The following GAS7 variants were observed in gnomAD, a reference collection of about 807,000 sequenced individuals.
The protein encoded by GAS7 is growth arrest specific 7, also known as growth arrest-specific protein 7.
Under a neutral mutation model 71.1 loss-of-function variants are expected in GAS7, and 28 were observed. That is an observed-to-expected ratio of 0.39 (90% confidence interval 0.29 to 0.54). GAS7 has a LOEUF of 0.54. GAS7 is among the 20% of genes least tolerant of loss of function. The pLI, the probability that GAS7 is intolerant of heterozygous loss-of-function variation, is 0.62. For missense variants in GAS7, 436 were observed against 627.8 expected (o/e 0.69, Z 3.27); for synonymous variants, 258 against 245.8 (o/e 1.05, Z -0.46).
In GAS7 at chr17:9,926,633, C is replaced by T. The variant is rs1332495026; in HGVS notation, c.1014+8G>A. ...ACCTGCCCTGGCCCAGCGTCCTGGG[C>T]CTCTCACCTTCTCCACCGAGGCATA... On this transcript the variant is annotated splice_region_variant and intron_variant, in intron 10 of 13. Transcript: ENST00000432992. This position sits in a 1 kb window ranked among gnomAD's most constrained non-coding sequence, Gnocchi z 5.0. 3.1e-6 allele frequency: 5 copies of T among 1,612,746 alleles called. No homozygotes were observed. Among genetic ancestry groups the T allele is most frequent in the Non-Finnish European group, 4.2e-6 (5 of 1,180,018 alleles).
At position 10,060,133 on chromosome 17, in the gene GAS7, G is replaced by A. The variant is rs1201284290; in HGVS notation, c.184-40236C>T. Among the ~76,000 whole-genome samples the A allele has an allele frequency of 4.6e-5, 7 of 152,278 alleles. No individual in the cohort carries two copies. In the East Asian group the frequency reaches 1.2e-3, roughly 25 times the overall value. Reference sequence around the variant, plus strand: ...CTGAGGGAGTGTGATAATCCAACCAGGTAGAGCAATTTGCAAAAACTCTAC... The same window carrying A: ...CTGAGGGAGTGTGATAATCCAACCAAGTAGAGCAATTTGCAAAAACTCTAC... On this transcript the variant is annotated intron_variant, in intron 1 of 13. Transcript: ENST00000432992.
intron 1 of GAS7, among the ~76,000 whole-genome samples, chr17:10,128,383 G>A (rs938298371): frequency 1.3e-5 from 2 of 152,172 alleles, no homozygotes; most frequent in Non-Finnish European, 2.9e-5. Flanking sequence ...GGGAGTGGAC[G>A]GGAGGGGTGG....
intron 1 of GAS7, among the ~76,000 whole-genome samples, chr17:10,150,651 C>G (rs188953146): frequency 7.1e-6 from 1 of 141,034 alleles, no homozygotes; most frequent in African/African-American, 2.7e-5. Flanking sequence ...TGCAGTGGCA[C>G]GATCTCGGCT....
chr17:10,190,168 G>A (rs959844383), intron 1 of GAS7, among the ~76,000 whole-genome samples: 2 of 152,166 alleles, frequency 1.3e-5, no homozygotes, highest in African/African-American at 2.4e-5. Flanking sequence ...TGCCTCTGGC[G>A]CACTACAGAT....
chr17:9,999,315 C>T (rs2071169629), intron 2 of GAS7, among the ~76,000 whole-genome samples: 2 of 151,984 alleles, frequency 1.3e-5, no homozygotes, highest in African/African-American at 4.8e-5. Context: ...GTCAGGAGTT[C>T]GACACCAGCC....
At chr17:9,939,059 G>T (rs1044434678) in intron 8 of GAS7, among the ~76,000 whole-genome samples, 2 of 152,158 alleles carry the variant, frequency 1.3e-5, no homozygotes, top group African/African-American at 4.8e-5. Flanking sequence ...AATGTGGGTT[G>T]TTTCCACCTT....
chr17:9,918,312 C>CA (rs1277416053), intron 12 of GAS7, among the ~76,000 whole-genome samples: 1 of 152,250 alleles, frequency 6.6e-6, no homozygotes, highest in African/African-American at 2.4e-5. Context: ...CCTGCTCCGC[C>CA]ACGCACAGTG....
At chr17:10,031,216 A>C (rs1456245421) in intron 1 of GAS7, among the ~76,000 whole-genome samples, 1 of 152,220 alleles carries the variant, frequency 6.6e-6, no homozygotes, top group Non-Finnish European at 1.5e-5. Flanking sequence ...GGGCCAGTCA[A>C]TTCATTGGGT....
chr17:10,082,612 T>C (rs2073469838), intron 1 of GAS7, among the ~76,000 whole-genome samples: 1 of 152,210 alleles, frequency 6.6e-6, no homozygotes, highest in African/African-American at 2.4e-5. Context: ...AAATGCATGC[T>C]TACCATATGA....
intron 1 of GAS7, among the ~76,000 whole-genome samples, chr17:10,151,798 G>A (rs577545053): frequency 1.4e-4 from 21 of 152,148 alleles, no homozygotes; most frequent in African/African-American, 4.1e-4. Context: ...CTCCTGCCTC[G>A]GCCTCCCAAA....
In GAS7 at chr17:10,063,481, G is replaced by A. The variant is rs540813863; in HGVS notation, c.184-43584C>T. The stretch of plus-strand genomic sequence containing the variant: ...TCCAAAGCAGAGAAGCAGCAGCTCC[G>A]GCAAAACCCTGACAAATCATCTAGT... On this transcript the variant is annotated intron_variant, in intron 1 of 13. Coordinates refer to ENST00000432992, the MANE Select transcript of GAS7 (RefSeq NM_201433.2). Among the ~76,000 whole-genome samples the A allele has an allele frequency of 7.9e-5, 12 of 152,302 alleles. No homozygotes were observed. The South Asian group carries it at 2.1e-3, about 26-fold the overall frequency.
intron 2 of GAS7, among the ~76,000 whole-genome samples, chr17:9,990,275 A>T (rs1365587363): frequency 6.6e-6 from 1 of 152,184 alleles, no homozygotes; most frequent in East Asian, 1.9e-4. Flanking sequence ...TCTCAAAAAA[A>T]AAAGAAAAAA....
At chr17:10,168,408 T>G (rs188759403) in intron 1 of GAS7, among the ~76,000 whole-genome samples, 1 of 152,326 alleles carries the variant, frequency 6.6e-6, no homozygotes, top group East Asian at 1.9e-4. Flanking sequence ...TTAGAATAAT[T>G]CTGGGTTTTT....
intron 1 of GAS7, among the ~76,000 whole-genome samples, chr17:10,066,559 C>G (rs1274776230): frequency 6.6e-6 from 1 of 152,156 alleles, no homozygotes; most frequent in Non-Finnish European, 1.5e-5. Flanking sequence ...TGGTCTTGAA[C>G]AGCTGGCCTC....
chr17:10,046,535 A>C (rs2072960166), intron 1 of GAS7, among the ~76,000 whole-genome samples: 1 of 151,852 alleles, frequency 6.6e-6, no homozygotes, highest in Non-Finnish European at 1.5e-5. Flanking sequence ...CAGGAGTTCC[A>C]GACCAGCCTG....
At chr17:10,004,594 G>A (rs1567878293) in intron 2 of GAS7, among the ~76,000 whole-genome samples, 1 of 152,150 alleles carries the variant, frequency 6.6e-6, no homozygotes, top group Non-Finnish European at 1.5e-5. Context: ...GAGTAGGATG[G>A]GTTTTAAGAT....
intron 1 of GAS7, among the ~76,000 whole-genome samples, chr17:10,174,616 C>T (rs1240872307): frequency 1.3e-5 from 2 of 151,982 alleles, no homozygotes; most frequent in African/African-American, 2.4e-5. Flanking sequence ...GGCGTGAACC[C>T]AGGAGGCGGA....
chr17:10,059,316 T>C (rs1567574132), intron 1 of GAS7, among the ~76,000 whole-genome samples: 1 of 152,166 alleles, frequency 6.6e-6, no homozygotes, highest in East Asian at 1.9e-4. Context: ...ACTGGGGAAT[T>C]AAGAAAAGGC....
chr17:10,191,429 G>T (rs2074498509), intron 1 of GAS7, among the ~76,000 whole-genome samples: 1 of 151,780 alleles, frequency 6.6e-6, no homozygotes, highest in Non-Finnish European at 1.5e-5. Context: ...AATTAGCCAG[G>T]CATGGTGGCA....
Sources: allele counts gnomAD v4.1 joint callset (sites outside exome capture counted in the v4.1 genomes callset), GRCh38; gene constraint gnomAD v4.1.1; non-coding constraint Gnocchi (gnomAD v3.1); transcripts MANE v1.5; gene names NCBI Gene and HGNC (gene_info 2026-07-23, HGNC 2026-07-21).